Variants in PCCA observed in about 807,000 individuals in gnomAD.
The protein encoded by PCCA is propionyl-CoA carboxylase alpha chain, mitochondrial.
In PCCA, 74 loss-of-function variants were observed where a neutral mutation model predicts 101.3. The observed-to-expected ratio is 0.73, with a 90% CI of 0.61 to 0.89. The LOEUF is 0.89. PCCA is among the 40% of genes least tolerant of loss of function. The pLI is 0.00. For synonymous variants in PCCA, 294 were observed against 313.6 expected, an observed-to-expected ratio of 0.94 and a Z score of 0.66; for missense variants, 891 against 907.0, an observed-to-expected ratio of 0.98 and a Z score of 0.23.
At chr13:100,301,075 T>C (rs2066021931) in intron 12 of PCCA, among the ~76,000 whole-genome samples, 1 of 152,206 alleles carries the variant, frequency 6.6e-6, no homozygotes. Context: ...AAGCTGCCCC[T>C]GTAGATGCCA....
chr13:100,143,285 T>C (rs2052111129), intron 4 of PCCA, among the ~76,000 whole-genome samples: 1 of 152,080 alleles, frequency 6.6e-6, no homozygotes, highest in Non-Finnish European at 1.5e-5. Flanking sequence ...ATCCCAGCAT[T>C]TTGGGATGCT....
At chr13:100,430,678 A>G (rs897094938) in intron 20 of PCCA, among the ~76,000 whole-genome samples, 1 of 152,176 alleles carries the variant, frequency 6.6e-6, no homozygotes, top group Non-Finnish European at 1.5e-5. Context: ...TGATGCTTGT[A>G]TGAACACCCT....
intron 6 of PCCA, among the ~76,000 whole-genome samples, chr13:100,184,320 G>A (rs533710606): frequency 6.6e-6 from 1 of 152,278 alleles, no homozygotes; most frequent in East Asian, 1.9e-4. Context: ...GACAGTGTCT[G>A]GCTCATATAT....
intron 12 of PCCA, among the ~76,000 whole-genome samples, chr13:100,299,742 A>C (rs2065910193): frequency 6.6e-6 from 1 of 152,050 alleles, no homozygotes; most frequent in Admixed American, 6.5e-5. Context: ...CTGAGATGGA[A>C]TATCGCTCTG....
At chr13:100,265,850 A>C (rs2062902752) in intron 10 of PCCA, among the ~76,000 whole-genome samples, 2 of 147,732 alleles carry the variant, frequency 1.4e-5, no homozygotes, top group South Asian at 4.4e-4. Context: ...AAAAAAAAAT[A>C]AGGTGATTTT....
At chr13:100,414,600 C>T (rs2078240679) in intron 19 of PCCA, among the ~76,000 whole-genome samples, 1 of 152,120 alleles carries the variant, frequency 6.6e-6, no homozygotes, top group Non-Finnish European at 1.5e-5. Flanking sequence ...AATTTATGTG[C>T]TTATTGTCAG....
intron 6 of PCCA, among the ~76,000 whole-genome samples, chr13:100,171,343 A>G (rs181140973): frequency 6.6e-6 from 1 of 152,294 alleles, no homozygotes; most frequent in Admixed American, 6.5e-5. Context: ...AAAGCCCAGA[A>G]AATTTGATAG....
In PCCA at chr13:100,323,154, G is replaced by A. The variant is rs375006154; in HGVS notation, c.1430-7407G>A. Among the ~76,000 whole-genome samples the A allele has an allele frequency of 9.8e-4, 150 of 152,354 alleles. 4 individuals are homozygous for A. The South Asian group carries it at 0.028, about 29-fold the overall frequency. On this transcript the variant is annotated intron_variant, in intron 16 of 23. Transcript: ENST00000376285. ...TGTTACAACATGAAAACAGTCATAT[G>A]TAAGCAAACCAGGCTGGCTGTGTTC...
chr13:100,337,020 G>A (rs965038222), intron 17 of PCCA, among the ~76,000 whole-genome samples: 10 of 152,148 alleles, frequency 6.6e-5, no homozygotes, highest in African/African-American at 2.2e-4. Flanking sequence ...TGTCGGGGTT[G>A]GGGGAGAGGG....
intron 4 of PCCA, among the ~76,000 whole-genome samples, chr13:100,144,354 A>T (rs2052276611): frequency 6.6e-6 from 1 of 152,194 alleles, no homozygotes; most frequent in African/African-American, 2.4e-5. Flanking sequence ...TGAGCCCAGA[A>T]AGCCAGCTTT....
At chr13:100,334,245 G>A (rs1231669892) in intron 17 of PCCA, among the ~76,000 whole-genome samples, 1 of 152,206 alleles carries the variant, frequency 6.6e-6, no homozygotes, top group Non-Finnish European at 1.5e-5. Context: ...AGAGCCATGT[G>A]TGCACATCTT....
intron 20 of PCCA, among the ~76,000 whole-genome samples, chr13:100,446,428 T>C (rs1049719025): frequency 2.0e-5 from 3 of 152,262 alleles, no homozygotes; most frequent in Non-Finnish European, 4.4e-5. Flanking sequence ...TGTCCTCTTA[T>C]CCCATAATAC....
intron 8 of PCCA, among the ~76,000 whole-genome samples, chr13:100,253,358 C>T (rs1396341826): frequency 6.6e-6 from 1 of 152,146 alleles, no homozygotes; most frequent in Non-Finnish European, 1.5e-5. Flanking sequence ...TTTTCTGAAT[C>T]GTTGGCCTTT....
intron 16 of PCCA, among the ~76,000 whole-genome samples, chr13:100,313,348 C>T (rs909768400): frequency 1.3e-5 from 2 of 152,182 alleles, no homozygotes; most frequent in East Asian, 1.9e-4. Context: ...GTTTAATAAA[C>T]ACAGGGCTGG....
At chr13:100,101,782 T>C (rs996130253) in intron 1 of PCCA, among the ~76,000 whole-genome samples, 2 of 152,006 alleles carry the variant, frequency 1.3e-5, no homozygotes, top group African/African-American at 2.4e-5. Flanking sequence ...TGTGTGTTTT[T>C]AGTAGAGACG....
At chr13:100,217,082 C>T (rs1276423836) in intron 7 of PCCA, among the ~76,000 whole-genome samples, 1 of 151,730 alleles carries the variant, frequency 6.6e-6, no homozygotes, top group Non-Finnish European at 1.5e-5. Context: ...GCACTCCAGC[C>T]TGGGCAACAA....
chr13:100,476,838 C>T (rs2083453696), intron 21 of PCCA, among the ~76,000 whole-genome samples: 2 of 152,084 alleles, frequency 1.3e-5, no homozygotes, highest in South Asian at 4.1e-4. Context: ...AGGTCAGTCC[C>T]CAGAGTACCT....
intron 1 of PCCA, among the ~76,000 whole-genome samples, chr13:100,090,790 C>G (rs1280526569): frequency 6.6e-6 from 1 of 152,208 alleles, no homozygotes; most frequent in Non-Finnish European, 1.5e-5. Context: ...GTATGTCCCC[C>G]ATTTACAGAA....
At chr13:100,501,921 T>C (rs2085712082) in intron 21 of PCCA, among the ~76,000 whole-genome samples, 1 of 146,734 alleles carries the variant, frequency 6.8e-6, no homozygotes, top group Admixed American at 7.0e-5. Context: ...CAAACCTGAA[T>C]TGGAAACTCA....
Sources: gnomAD v4.1 joint callset for allele counts (sites outside exome capture counted in the v4.1 genomes callset) on GRCh38, gnomAD v4.1.1 for gene constraint, MANE v1.5 for transcripts, NCBI Gene and HGNC (gene_info 2026-07-23, HGNC 2026-07-21) for gene names.